Variants in CDK13 observed in about 807,000 individuals in gnomAD.
CDK13 encodes the protein cyclin-dependent kinase 13.
A neutral mutation model predicts 137.6 loss-of-function variants in CDK13; 40 were observed. That is an observed-to-expected ratio of 0.29 (90% CI 0.23 to 0.38). The LOEUF is 0.38. Ranked by LOEUF, CDK13 falls within the 10% of genes least tolerant of loss-of-function variation. The pLI, the probability that CDK13 is intolerant of heterozygous loss-of-function variation, is 1.00. For missense variants in CDK13, 1,704 were observed against 1,951.8 expected (o/e 0.87, Z 2.39); for synonymous variants, 869 against 760.1 (o/e 1.14, Z -2.36).
intron 1 of CDK13, among the ~76,000 whole-genome samples, chr7:39,966,602 TTC>T (rs1019279971): frequency 2.7e-4 from 41 of 152,356 alleles, no homozygotes; most frequent in Middle Eastern, 3.4e-3. Context: ...TGAAGCCTTC[TTC>T]TCTGAACTCG....
chr7:40,001,813 A>G (rs1484297734), intron 4 of CDK13, 48 bp from the exon 5 acceptor site: 2 of 1,162,760 alleles, frequency 1.7e-6, no homozygotes, highest in African/African-American at 3.1e-5. Context: ...GAAAAATGTC[A>G]TCTGCTTTTG....
intron 7 of CDK13, 41 bp from the exon 8 acceptor site, chr7:40,062,783 CCA>C: frequency 7.4e-7 from 1 of 1,357,804 alleles, no homozygotes; most frequent in African/African-American, 1.4e-5. Context: ...CTGTCTTACT[CCA>C]ACAAATACTA....
At chr7:40,084,965 C>G (rs777198204) in intron 11 of CDK13, among the ~76,000 whole-genome samples, 3 of 152,206 alleles carry the variant, frequency 2.0e-5, no homozygotes, top group Non-Finnish European at 2.9e-5. Flanking sequence ...CCTGATCCAT[C>G]TGAAAGTATC....
intron 9 of CDK13, chr7:40,070,107 G>A (rs1786381020): frequency 6.6e-6 from 1 of 152,086 alleles, no homozygotes; most frequent in African/African-American, 2.4e-5. Flanking sequence ...GGGCATGGCG[G>A]CGGGCACCTG....
At chr7:40,002,139 T>C (rs1484167948) in intron 5 of CDK13, 108 bp downstream of exon 5, 8 of 658,970 alleles carry the variant, frequency 1.2e-5, no homozygotes, top group African/African-American at 1.8e-5. Flanking sequence ...AAACTATTGC[T>C]CTAATCGTGA....
chr7:40,041,645 T>C (rs1785608107), intron 5 of CDK13, among the ~76,000 whole-genome samples: 1 of 152,212 alleles, frequency 6.6e-6, no homozygotes, highest in African/African-American at 2.4e-5. Context: ...CTTTTATCTT[T>C]CTGTGTTACA....
chr7:40,014,663 C>T (rs1285643568), intron 5 of CDK13, among the ~76,000 whole-genome samples: 5 of 151,852 alleles, frequency 3.3e-5, no homozygotes, highest in Non-Finnish European at 5.9e-5. Flanking sequence ...AACATGTTGC[C>T]GAGGCCAGTC....
At position 40,094,604 on chromosome 7, in the gene CDK13, G is replaced by A. The variant is rs1287081734; in HGVS notation, c.4163G>A (p.Gly1388Asp). Residue 1388 changes from glycine (G) to aspartate (D), a missense_variant, in exon 14 of 14, where the codon GGT (glycine) becomes GAT (aspartate). Gly to Asp is a moderately conservative substitution (Grantham distance 94). Transcript: ENST00000181839. ...TACAGTACTGCTTCATCTCATTCTG[G>A]TGGTCCACCTCAGCCTTCTGCCTTT... ...DNYSTASSHS[G>D]GPPQPSAFSE... 5 of 1,613,656 alleles carry A rather than the reference G, an allele frequency of 3.1e-6. No homozygotes were observed. Among genetic ancestry groups the A allele is most frequent in the Non-Finnish European group, 4.2e-6 (5 of 1,179,852 alleles).
chr7:40,048,008 G>C, intron 7 of CDK13, 131 bp downstream of exon 7: 1 of 558,236 alleles, frequency 1.8e-6, no homozygotes, highest in East Asian at 2.7e-5. Context: ...ATAAAACATT[G>C]AAATTTTATA....
chr7:40,092,602 A>G (rs1036986563), intron 12 of CDK13, 183 bp from the exon 13 acceptor site: 7 of 557,780 alleles, frequency 1.3e-5, no homozygotes, highest in Middle Eastern at 9.6e-4. Flanking sequence ...AGTTCTTTTT[A>G]TGTACAGGTA....
chr7:40,062,654 C>A (rs527493632), intron 7 of CDK13, 172 bp from the exon 8 acceptor site: 2 of 617,486 alleles, frequency 3.2e-6, no homozygotes, highest in South Asian at 4.2e-5. Context: ...CCCTCACATA[C>A]ATTTTATGAT....
At chr7:39,985,327 T>C (rs891215787) in intron 1 of CDK13, 4 of 155,652 alleles carry the variant, frequency 2.6e-5, no homozygotes, top group African/African-American at 9.6e-5. Flanking sequence ...GGCTGAATAG[T>C]ACTAGATTGT....
intron 1 of CDK13, among the ~76,000 whole-genome samples, chr7:39,970,107 C>T (rs539413730): frequency 1.3e-5 from 2 of 151,106 alleles, no homozygotes; most frequent in Non-Finnish European, 2.9e-5. Flanking sequence ...TGGGTTCAAG[C>T]GATTCTCGTG....
chr7:39,989,240 A>T (rs1414363177), intron 2 of CDK13, among the ~76,000 whole-genome samples: 1 of 152,024 alleles, frequency 6.6e-6, no homozygotes, highest in African/African-American at 2.4e-5. Flanking sequence ...ACAGCTAAGA[A>T]TGTTTCTTTT....
chr7:40,092,611 TA>T, intron 12 of CDK13, 173 bp from the exon 13 acceptor site: 3 of 580,840 alleles, frequency 5.2e-6, no homozygotes, highest in Non-Finnish European at 9.1e-6. Context: ...TATGTACAGG[TA>T]CATTTTAAAT....
chr7:39,983,069 T>G (rs1452115219), intron 1 of CDK13, among the ~76,000 whole-genome samples: 2 of 152,206 alleles, frequency 1.3e-5, no homozygotes, highest in Non-Finnish European at 2.9e-5. Context: ...GCTTTTGGTG[T>G]TTTATTAGAC....
At chr7:40,030,436 T>C (rs1003244991) in intron 5 of CDK13, among the ~76,000 whole-genome samples, 45 of 134,436 alleles carry the variant, frequency 3.3e-4, no homozygotes, top group Non-Finnish European at 5.0e-4. Flanking sequence ...TTTTTTTTTT[T>C]TTTTTTTTTT....
At chr7:40,004,841 TATAAC>T (rs1310070339) in intron 5 of CDK13, among the ~76,000 whole-genome samples, 5 of 152,234 alleles carry the variant, frequency 3.3e-5, no homozygotes, top group African/African-American at 1.2e-4. Flanking sequence ...TTTGCACTGT[TATAAC>T]TAACTAAGCT....
intron 7 of CDK13, among the ~76,000 whole-genome samples, chr7:40,060,271 AAAT>A (rs1269019234): frequency 1.3e-5 from 2 of 152,188 alleles, no homozygotes; most frequent in African/African-American, 4.8e-5. Flanking sequence ...ATTTTTTAAA[AAAT>A]ACAAGACACT....
Sources: gnomAD v4.1 joint callset for allele counts (sites outside exome capture counted in the v4.1 genomes callset) on GRCh38, gnomAD v4.1.1 for gene constraint, MANE v1.5 for transcripts, NCBI Gene and HGNC (gene_info 2026-07-23, HGNC 2026-07-21) for gene names.